TLK2: variants seen among roughly 807,000 people sequenced by gnomAD.
The protein encoded by TLK2 is serine/threonine-protein kinase tousled-like 2.
A neutral mutation model predicts 117.3 loss-of-function variants in TLK2; 6 were observed. The observed-to-expected ratio is 0.05, with a 90% CI of 0.03 to 0.10. The LOEUF is 0.10. Among genes scored for constraint, TLK2 ranks in the 10% least tolerant of loss-of-function variants. The pLI, the probability that TLK2 is intolerant of heterozygous loss-of-function variation, is 1.00. For synonymous variants in TLK2, 257 were observed against 316.7 expected (o/e 0.81, Z 2.00); for missense variants, 299 against 901.2 (o/e 0.33, Z 8.56).
chr17:62,493,193 C>T (rs763376166), intron 2 of TLK2, among the ~76,000 whole-genome samples: 1 of 152,204 alleles, frequency 6.6e-6, no homozygotes, highest in African/African-American at 2.4e-5. Context: ...TTTGACTACT[C>T]TAGGTACTAA....
At chr17:62,481,276 C>T (rs750585478) in intron 2 of TLK2, 70 bp downstream of exon 2, 63 of 1,559,346 alleles carry the variant, frequency 4.0e-5, no homozygotes, top group Non-Finnish European at 5.3e-5. Flanking sequence ...TGATTAAGAG[C>T]AATTTGGGTA....
intron 2 of TLK2, among the ~76,000 whole-genome samples, chr17:62,486,067 A>G (rs1287387633): frequency 2.6e-5 from 4 of 151,556 alleles, no homozygotes; most frequent in East Asian, 2.0e-4. Context: ...TGATCTGCCC[A>G]CCTTGGCCTC....
chr17:62,560,244 A>G (rs537987178), intron 10 of TLK2, 118 bp downstream of exon 10: 16 of 738,018 alleles, frequency 2.2e-5, no homozygotes, highest in East Asian at 3.4e-5. Context: ...TTTTAGGAAC[A>G]TGATTTGACA....
At chr17:62,485,999 T>C (rs1396772718) in intron 2 of TLK2, among the ~76,000 whole-genome samples, 1 of 151,772 alleles carries the variant, frequency 6.6e-6, no homozygotes, top group Non-Finnish European at 1.5e-5. Flanking sequence ...TTTTTGTATT[T>C]TTAGTAGAGA....
At chr17:62,522,148 T>C (rs1216210437) in intron 3 of TLK2, 56 bp from the exon 4 acceptor site, 1 of 1,585,624 alleles carries the variant, frequency 6.3e-7, no homozygotes, top group Non-Finnish European at 8.6e-7. Flanking sequence ...TCGCTGTTTT[T>C]CCTAACGTGA....
intron 2 of TLK2, among the ~76,000 whole-genome samples, chr17:62,519,045 C>T (rs565801047): frequency 1.2e-3 from 177 of 152,130 alleles, no homozygotes; most frequent in Middle Eastern, 3.4e-3. Flanking sequence ...CACCATGCCT[C>T]GCTAATTTTT....
chr17:62,482,419 GT>G (rs1435696726), intron 2 of TLK2, among the ~76,000 whole-genome samples: 1 of 150,830 alleles, frequency 6.6e-6, no homozygotes, highest in Non-Finnish European at 1.5e-5. Context: ...GGGTCTCACA[GT>G]TTTGGTGAGC....
At chr17:62,586,073 C>A in intron 15 of TLK2, 62 bp from the exon 16 acceptor site, 1 of 1,247,678 alleles carries the variant, frequency 8.0e-7, no homozygotes, top group Non-Finnish European at 1.1e-6. Flanking sequence ...ATTAAAGCTT[C>A]ACATCAGTTA....
chr17:62,529,151 G>A (rs1195713956), intron 6 of TLK2, among the ~76,000 whole-genome samples: 1 of 152,114 alleles, frequency 6.6e-6, no homozygotes, highest in Non-Finnish European at 1.5e-5. Flanking sequence ...TGTGGAAGTT[G>A]TCTGTTTCTT....
At chr17:62,533,759 G>C (rs113735727) in intron 6 of TLK2, among the ~76,000 whole-genome samples, 45 of 152,242 alleles carry the variant, frequency 3.0e-4, no homozygotes, top group Non-Finnish European at 5.1e-4. Context: ...TTACAGGCAT[G>C]AGCCACTGTG....
At position 62,574,378 on chromosome 17, in the gene TLK2, A is replaced by G; in HGVS notation, c.1121+1011A>G. On this transcript the variant is annotated intron_variant, in intron 12 of 21. Coordinates refer to ENST00000346027, the MANE Select transcript of TLK2 (RefSeq NM_006852.6). ...CTGGGAATACAGAGCTAAAGGATAC[A>G]GCCCCAGCCTTAGGAGCCCACAGTT... The G allele has an allele frequency of 6.5e-7, 1 of 1,533,330 alleles. No homozygotes were observed. Among genetic ancestry groups the G allele is most frequent in the Non-Finnish European group, 8.8e-7 (1 of 1,136,736 alleles). 95.0% of individuals were successfully genotyped at this position (1,533,330 alleles called of 1,614,324 possible).
chr17:62,549,419 A>AAAAAAAAAAAAAAAAAAAAAAAAAAAAT (rs1598512362), intron 7 of TLK2, among the ~76,000 whole-genome samples: 1 of 7,746 alleles, frequency 1.3e-4, no homozygotes, highest in Non-Finnish European at 4.8e-4. Context: ...AAAAAAAAAA[A>AAAAAAAAAAAAAAAAAAAAAAAAAAAAT]AAAAAAAAAA....
intron 16 of TLK2, 66 bp downstream of exon 16, chr17:62,586,292 A>G (rs556277128): frequency 1.3e-4 from 146 of 1,149,174 alleles, no homozygotes; most frequent in Non-Finnish European, 1.7e-4. Context: ...GCATTATGCT[A>G]CAAGCTTTAC....
At chr17:62,503,052 CTTTTTTTTT>C (rs535547546) in intron 2 of TLK2, among the ~76,000 whole-genome samples, 44 of 87,130 alleles carry the variant, frequency 5.0e-4, no homozygotes, top group Non-Finnish European at 8.2e-4. Flanking sequence ...TTTGGCTTAA[CTTTTTTTTT>C]TTTTTTTTTT....
At chr17:62,564,885 A>C (rs2079622738) in intron 10 of TLK2, 116 bp from the exon 11 acceptor site, 1 of 1,300,828 alleles carries the variant, frequency 7.7e-7, no homozygotes, top group African/African-American at 1.5e-5. Flanking sequence ...TGTTCTGAGA[A>C]GTGTATGGTT....
At chr17:62,570,080 G>C (rs2080153128) in intron 11 of TLK2, among the ~76,000 whole-genome samples, 1 of 152,078 alleles carries the variant, frequency 6.6e-6, no homozygotes, top group South Asian at 2.1e-4. Flanking sequence ...TTCTCATAAG[G>C]ATACCGGTCA....
Position 62,552,414 on chromosome 17 carries a change from T to A in TLK2, c.627+17T>A, listed in dbSNP as rs1177182226. ...CAGACCCAGGTAGGTTGGTGATCGA[T>A]AATCAATTGAGGGGCATACCTGCTG... On this transcript the variant is annotated intron_variant, in intron 8 of 21. Transcript: ENST00000346027. 2 of 1,614,138 alleles carry A rather than the reference T, an allele frequency of 1.2e-6. No individual in the cohort carries two copies. Among genetic ancestry groups the A allele is most frequent in the East Asian group, 4.5e-5 (2 of 44,876 alleles).
chr17:62,570,611 AC>A (rs2080210892), intron 11 of TLK2, among the ~76,000 whole-genome samples: 1 of 152,210 alleles, frequency 6.6e-6, no homozygotes, highest in Non-Finnish European at 1.5e-5. Flanking sequence ...AGTTTCAGGA[AC>A]ATCAAGAATT....
At chr17:62,541,206 T>C (rs2077508169) in intron 7 of TLK2, among the ~76,000 whole-genome samples, 1 of 152,164 alleles carries the variant, frequency 6.6e-6, no homozygotes, top group South Asian at 2.1e-4. Flanking sequence ...AGGCCCTGCG[T>C]TGTTTTTCTC....
Sources: gnomAD v4.1 joint callset for allele counts (sites outside exome capture counted in the v4.1 genomes callset) on GRCh38, gnomAD v4.1.1 for gene constraint, MANE v1.5 for transcripts, NCBI Gene and HGNC (gene_info 2026-07-23, HGNC 2026-07-21) for gene names.